Variants in CSMD1 observed in about 807,000 individuals in gnomAD.
The protein encoded by CSMD1 is CUB and sushi domain-containing protein 1.
A neutral mutation model predicts 417.5 loss-of-function variants in CSMD1; 213 were observed. The ratio of observed to expected loss-of-function variants is 0.51; its 90% CI spans 0.46 to 0.57. CSMD1 has a LOEUF of 0.57. Ranked by LOEUF, CSMD1 falls within the 20% of genes least tolerant of loss-of-function variation. CSMD1 has a pLI of 0.00. For missense variants in CSMD1, 6,923 were observed against 4,529.7 expected (o/e 1.53, Z -15.17); for synonymous variants, 2,862 against 1,736.8 (o/e 1.65, Z -16.11).
chr8:4,105,964 C>T (rs531238880), intron 3 of CSMD1, among the ~76,000 whole-genome samples: 5 of 152,262 alleles, frequency 3.3e-5, no homozygotes, highest in African/African-American at 1.2e-4. Flanking sequence ...AGCCACAAGT[C>T]CCAACTTCAC....
intron 26 of CSMD1, among the ~76,000 whole-genome samples, chr8:3,237,574 AT>A (rs202238644): frequency 0.13 from 18,166 of 136,808 alleles, 1,605 homozygotes; most frequent in East Asian, 0.25. Context: ...TATAAATATA[AT>A]TTTTATACTT....
At chr8:4,320,521 C>G (rs893270325) in intron 3 of CSMD1, among the ~76,000 whole-genome samples, 4 of 152,104 alleles carry the variant, frequency 2.6e-5, no homozygotes, top group East Asian at 3.9e-4. Context: ...CCCCCACCCC[C>G]CAACAGGCCC....
intron 12 of CSMD1, among the ~76,000 whole-genome samples, chr8:3,439,552 G>A (rs939229109): frequency 1.3e-5 from 2 of 150,390 alleles, no homozygotes; most frequent in Non-Finnish European, 3.0e-5. Flanking sequence ...TTCTTTATGA[G>A]TTCTTATCAG....
At chr8:3,026,531 G>C (rs908845773) in intron 51 of CSMD1, among the ~76,000 whole-genome samples, 1 of 150,974 alleles carries the variant, frequency 6.6e-6, no homozygotes, top group Admixed American at 6.6e-5. Flanking sequence ...TCAGCCTCAC[G>C]GGGCCTGACT....
At chr8:4,845,673 T>A (rs565665185) in intron 1 of CSMD1, among the ~76,000 whole-genome samples, 1 of 152,254 alleles carries the variant, frequency 6.6e-6, no homozygotes, top group South Asian at 2.1e-4. Context: ...GAAAGATGTG[T>A]AATATTTTGA....
intron 3 of CSMD1, among the ~76,000 whole-genome samples, chr8:4,094,257 T>C (rs1800881544): frequency 6.6e-6 from 1 of 151,888 alleles, no homozygotes; most frequent in African/African-American, 2.4e-5. Context: ...TGTTTGTAAA[T>C]CAGGGGTGAT....
chr8:3,644,616 T>C (rs1797482010), intron 7 of CSMD1, among the ~76,000 whole-genome samples: 1 of 152,082 alleles, frequency 6.6e-6, no homozygotes, highest in Admixed American at 6.6e-5. Flanking sequence ...GGATAAGAGA[T>C]GGCTGTGCCA....
chr8:3,833,119 G>T (rs1390872114), intron 5 of CSMD1, among the ~76,000 whole-genome samples: 1 of 152,052 alleles, frequency 6.6e-6, no homozygotes, highest in South Asian at 2.1e-4. Context: ...CCCACTACAG[G>T]GAGCATGTCA....
intron 26 of CSMD1, among the ~76,000 whole-genome samples, chr8:3,272,142 T>C (rs992784642): frequency 6.8e-6 from 1 of 147,178 alleles, no homozygotes; most frequent in Non-Finnish European, 1.5e-5. Context: ...TTCAGCTTTC[T>C]GCATATGGTT....
chr8:4,868,665 G>A (rs1802555951), intron 1 of CSMD1, among the ~76,000 whole-genome samples: 1 of 151,766 alleles, frequency 6.6e-6, no homozygotes, highest in African/African-American at 2.4e-5. Context: ...TATTACCTAA[G>A]AATAAAAACA....
chr8:3,049,868 G>T (rs567910627), intron 50 of CSMD1, among the ~76,000 whole-genome samples: 2 of 151,998 alleles, frequency 1.3e-5, no homozygotes, highest in African/African-American at 4.8e-5. Context: ...TGTTGCGGAC[G>T]GTGTGTTTTA....
chr8:4,962,850 G>A (rs1040086114), intron 1 of CSMD1, among the ~76,000 whole-genome samples: 1 of 152,138 alleles, frequency 6.6e-6, no homozygotes, highest in Non-Finnish European at 1.5e-5. Context: ...TTTGTGCTTG[G>A]TGTCCTAAAT....
chr8:4,122,479 C>T (rs1032364680), intron 3 of CSMD1, among the ~76,000 whole-genome samples: 2 of 152,154 alleles, frequency 1.3e-5, no homozygotes, highest in Admixed American at 6.5e-5. Flanking sequence ...CTAAGAGACA[C>T]GTAGATTAAG....
intron 3 of CSMD1, among the ~76,000 whole-genome samples, chr8:4,126,694 G>C (rs534739286): frequency 6.6e-6 from 1 of 152,240 alleles, no homozygotes; most frequent in South Asian, 2.1e-4. Context: ...TCATTGGTTG[G>C]TTACTTCACT....
At chr8:4,930,865 GGGTT>G (rs1476476374) in intron 1 of CSMD1, among the ~76,000 whole-genome samples, 1 of 152,114 alleles carries the variant, frequency 6.6e-6, no homozygotes, top group Admixed American at 6.6e-5. Flanking sequence ...TCTTAATAAA[GGGTT>G]CCCAGAATTA....
intron 6 of CSMD1, among the ~76,000 whole-genome samples, chr8:3,727,308 G>C (rs1408836721): frequency 6.6e-6 from 1 of 152,148 alleles, no homozygotes; most frequent in Non-Finnish European, 1.5e-5. Context: ...CTCATCTGCA[G>C]AGCCTCCCGC....
chr8:4,592,996 A>T (rs1480699802), intron 2 of CSMD1, among the ~76,000 whole-genome samples: 1 of 152,330 alleles, frequency 6.6e-6, no homozygotes, highest in East Asian at 1.9e-4. Flanking sequence ...TGTGAAATTC[A>T]TAAAACTATT....
chr8:3,253,898 T>C (rs1800456332), intron 26 of CSMD1, among the ~76,000 whole-genome samples: 1 of 152,234 alleles, frequency 6.6e-6, no homozygotes. Flanking sequence ...TTGTTATGTG[T>C]GAATTTGATC....
At chr8:3,709,691 T>TGTTTTTTTTTG (rs1192751481) in intron 6 of CSMD1, among the ~76,000 whole-genome samples, 24 of 119,578 alleles carry the variant, frequency 2.0e-4, no homozygotes, top group African/African-American at 6.6e-4. Context: ...TTTTTTTTTT[T>TGTTTTTTTTTG]TTTTTTTTTT....
Sources: gnomAD v4.1 joint callset for allele counts (sites outside exome capture counted in the v4.1 genomes callset) on GRCh38, gnomAD v4.1.1 for gene constraint, MANE v1.5 for transcripts, NCBI Gene and HGNC (gene_info 2026-07-23, HGNC 2026-07-21) for gene names.